TM7SF3: variants seen among roughly 807,000 people sequenced by gnomAD.
TM7SF3 encodes transmembrane 7 superfamily member 3, also known as seven span transmembrane protein.
A neutral mutation model predicts 65.5 loss-of-function variants in TM7SF3; 60 were observed. The ratio of observed to expected loss-of-function variants is 0.92; its 90% CI spans 0.74 to 1.14. The LOEUF (loss-of-function observed/expected upper bound fraction) is 1.14. Ranked by LOEUF, TM7SF3 falls within the 50% of genes most tolerant of loss-of-function variation. The probability of loss-of-function intolerance (pLI) is 0.00; values close to 1 mark genes in which losing one functional copy is unlikely to be tolerated. For missense variants in TM7SF3, 623 were observed against 684.8 expected (o/e 0.91, Z 1.01); for synonymous variants, 264 against 259.6 (o/e 1.02, Z -0.16).
intron 6 of TM7SF3, chr12:26,983,345 G>A: frequency 6.1e-6 from 2 of 326,788 alleles, no homozygotes; most frequent in South Asian, 5.2e-5. Flanking sequence ...CAAACAAACT[G>A]TGGAAAACAA....
chr12:26,973,629 C>A lies in TM7SF3; in HGVS notation c.*336G>T, dbSNP rs1295382343. ...TTTCAAGGGGTTATAAAAAGAAACA[C>A]CAGTGCTCTGCAGAAGAATCAGTTT... On this transcript the variant is annotated 3_prime_UTR_variant, in exon 12 of 12. Transcript: ENST00000343028. 5.1e-6 allele frequency: 1 copy of A among 195,026 alleles called. No homozygotes were observed. Among genetic ancestry groups the A allele is most frequent in the Non-Finnish European group, 1.0e-5 (1 of 95,902 alleles). The allele number at this position is 195,026 out of a possible 1,614,324, so 12.1% of individuals were successfully genotyped here. A position where few individuals can be genotyped will look rare whatever the true frequency, so the allele number is the denominator to read the frequency against.
chr12:27,010,705 C>T (rs918849791), intron 1 of TM7SF3, among the ~76,000 whole-genome samples: 1 of 152,204 alleles, frequency 6.6e-6, no homozygotes, highest in Non-Finnish European at 1.5e-5. Flanking sequence ...AAATGGCTAA[C>T]ATCAAGTTGG....
At chr12:26,991,139 T>TAG (rs1409733796) in intron 5 of TM7SF3, among the ~76,000 whole-genome samples, 1 of 140,242 alleles carries the variant, frequency 7.1e-6, no homozygotes, top group East Asian at 2.1e-4. Context: ...GTAGTAGTAG[T>TAG]TCTTTTTTTT....
In TM7SF3 at chr12:26,979,797, GA is replaced by G; in HGVS notation, c.1175del (p.Phe392SerfsTer8). The G allele has an allele frequency of 6.2e-7, 1 of 1,613,980 alleles. No individual in the cohort carries two copies. The highest frequency in any genetic ancestry group is 8.5e-7 in the Non-Finnish European group (1 of 1,179,950). On this transcript the variant is annotated frameshift_variant, in exon 9 of 12. Coordinates refer to ENST00000343028, the MANE Select transcript of TM7SF3 (RefSeq NM_016551.3). LOFTEE classifies it high-confidence loss of function. ...VLGFLISSVT[F>X]FTPLGNLKIF... Reference sequence around the variant, plus strand: ...CATATCGCCTACCCAGTGGAGTAAAGAAAGTCACTGACGAGATGAGGAACCC... The same window carrying G: ...CATATCGCCTACCCAGTGGAGTAAAGAAGTCACTGACGAGATGAGGAACCC...
Position 26,999,640 on chromosome 12 carries a change from T to C in TM7SF3, c.283A>G (p.Ser95Gly), listed in dbSNP as rs200757315. 3.2e-5 allele frequency: 52 copies of C among 1,614,148 alleles called. 2 individuals carry two copies. The highest frequency in any genetic ancestry group is 1.6e-4 in the Middle Eastern group (1 of 6,062). The change falls in exon 3 of 12, where the codon AGT (serine) becomes GGT (glycine). Residue 95 changes from serine (S) to glycine (G), a missense_variant. Coordinates refer to ENST00000343028, the MANE Select transcript of TM7SF3 (RefSeq NM_016551.3). ...LSNSSETGTA[S>G]GLVFILRPEQ... The stretch of plus-strand genomic sequence containing the variant: ...GGTCTAAGGATGAAAACCAGTCCAC[T>C]GGCAGTGCCTGTTTCCGAGGAATTG...
In TM7SF3 at chr12:26,979,948, G is replaced by A. The variant is rs998622084; in HGVS notation, c.1037-12C>T. 4 of 1,614,068 alleles carry A rather than the reference G, an allele frequency of 2.5e-6. No individual in the cohort carries two copies. The highest frequency in any genetic ancestry group is 3.4e-6 in the Non-Finnish European group (4 of 1,179,986). ...CAGAATCAGATTCACTGTACAAAGAGAGAGGATGAACTGCTGGATAACCGG... is the reference window on the plus strand; with the variant it reads ...CAGAATCAGATTCACTGTACAAAGAAAGAGGATGAACTGCTGGATAACCGG... On this transcript the variant is annotated splice_polypyrimidine_tract_variant and intron_variant, in intron 8 of 11. Transcript: ENST00000343028.
intron 6 of TM7SF3, among the ~76,000 whole-genome samples, chr12:26,985,676 T>C (rs1475439522): frequency 3.5e-5 from 4 of 114,466 alleles, no homozygotes; most frequent in East Asian, 4.8e-4. Context: ...TATATATATA[T>C]ATACACACAC....
At chr12:27,011,511 A>G (rs1413485634) in intron 1 of TM7SF3, among the ~76,000 whole-genome samples, 1 of 152,188 alleles carries the variant, frequency 6.6e-6, no homozygotes, top group Non-Finnish European at 1.5e-5. Context: ...TCAGGCCACT[A>G]CAGAAGTCAT....
intron 1 of TM7SF3, among the ~76,000 whole-genome samples, chr12:27,013,502 T>C (rs1433968110): frequency 6.6e-6 from 1 of 152,238 alleles, no homozygotes; most frequent in Admixed American, 6.5e-5. Context: ...AAGTCCTTTA[T>C]TTCTCATTGT....
rs1335824422 is a variant in TM7SF3 at position 27,014,181 on chromosome 12, C to CGGGCTGGGCCCACGCCA, written c.-30_-14dup. 6.4e-7 allele frequency: 1 copy of CGGGCTGGGCCCACGCCA among 1,552,522 alleles called. No homozygotes were observed. Among genetic ancestry groups the CGGGCTGGGCCCACGCCA allele is most frequent in the African/African-American group, 1.4e-5 (1 of 73,368 alleles). On this transcript the variant is annotated 5_prime_UTR_variant, in exon 1 of 12. Transcript: ENST00000343028. ...GCAGGAACCCCATTGCTGCCTGGGC[C>CGGGCTGGGCCCACGCCA]GGGCTGGGCCCACGCCAGGGCTGGG...
At chr12:26,997,329 T>G (rs953027447) in intron 3 of TM7SF3, among the ~76,000 whole-genome samples, 1 of 152,226 alleles carries the variant, frequency 6.6e-6, no homozygotes, top group Non-Finnish European at 1.5e-5. Context: ...TGGCCAGGTT[T>G]GGAATGCAGA....
At chr12:26,987,972 A>C (rs531988552) in intron 6 of TM7SF3, among the ~76,000 whole-genome samples, 4 of 152,196 alleles carry the variant, frequency 2.6e-5, no homozygotes, top group African/African-American at 4.8e-5. Flanking sequence ...AATTATGAGG[A>C]AATATCAAAG....
chr12:26,983,361 A>G, intron 6 of TM7SF3: 1 of 332,262 alleles, frequency 3.0e-6, no homozygotes, highest in Non-Finnish European at 6.0e-6. Flanking sequence ...AACAATTGAG[A>G]TGACTCCAGA....
chr12:26,987,054 T>A (rs11048797), intron 6 of TM7SF3, among the ~76,000 whole-genome samples: 11,165 of 152,132 alleles, frequency 0.073, 515 homozygotes, highest in Non-Finnish European at 0.1. Context: ...GACCCCTCCC[T>A]TTTCTCTAAG....
Position 26,973,996 on chromosome 12 carries a change from G to A in TM7SF3, c.1682C>T (p.Pro561Leu), listed in dbSNP as rs1939462216. 2 of 1,614,060 alleles carry A rather than the reference G, an allele frequency of 1.2e-6. No individual in the cohort carries two copies. Among genetic ancestry groups the A allele is most frequent in the South Asian group, 2.2e-5 (2 of 91,092 alleles). The change falls in exon 12 of 12, where the codon CCA becomes CTA. Residue 561 changes from proline (P) to leucine (L), a missense_variant. Pro to Leu is a moderately conservative substitution (Grantham distance 98). Transcript: ENST00000343028. ...AAGCAAAGGCGTTCTCTCTCCAGCT[G>A]GCTGCTCCTTCTGGAAGAGCCCTTT... is the stretch of plus-strand genomic sequence containing the variant. The part of the protein sequence containing the change: ...QIKGLFQKEQ[P>L]AGERTPLLL
chr12:26,974,028 G>A lies in TM7SF3; in HGVS notation c.1650C>T (p.Thr550=), dbSNP rs958433037. The A allele has an allele frequency of 6.2e-7, 1 of 1,614,158 alleles. No individual in the cohort carries two copies. Among genetic ancestry groups the A allele is most frequent in the Non-Finnish European group, 8.5e-7 (1 of 1,180,032 alleles). The part of the protein sequence containing the change: ...PLRERLYGRL[T]QIKGLFQKEQ... ...CCTTCTGGAAGAGCCCTTTAATCTG[G>A]GTTAATCGGCCATAGAGCCTCTCTC... Residue 550 remains threonine, a synonymous_variant, in exon 12 of 12, where the codon ACC becomes ACT. Transcript: ENST00000343028.
chr12:27,004,282 C>T (rs1940948287), intron 1 of TM7SF3, among the ~76,000 whole-genome samples: 2 of 152,078 alleles, frequency 1.3e-5, no homozygotes. Flanking sequence ...CCTACCCCAC[C>T]CCCCATCCTA....
intron 5 of TM7SF3, among the ~76,000 whole-genome samples, chr12:26,992,070 T>C (rs1401118083): frequency 6.6e-6 from 1 of 152,090 alleles, no homozygotes; most frequent in Non-Finnish European, 1.5e-5. Context: ...AGTAACAAGT[T>C]ACTCAGTACA....
intron 1 of TM7SF3, among the ~76,000 whole-genome samples, chr12:27,009,864 T>C (rs1381890933): frequency 6.6e-6 from 1 of 152,218 alleles, no homozygotes; most frequent in African/African-American, 2.4e-5. Flanking sequence ...GTCTTAGTTA[T>C]CTCTAACCTA....
Sources: allele counts gnomAD v4.1 joint callset (sites outside exome capture counted in the v4.1 genomes callset), GRCh38; gene constraint gnomAD v4.1.1; transcripts MANE v1.5; gene names NCBI Gene and HGNC (gene_info 2026-07-23, HGNC 2026-07-21).